CCDC150: variants seen among roughly 807,000 people sequenced by gnomAD.
CCDC150 encodes coiled-coil domain-containing protein 150.
Under a neutral mutation model 156.5 loss-of-function variants are expected in CCDC150, and 151 were observed. That is an observed-to-expected ratio of 0.97 (90% confidence interval 0.85 to 1.10). The LOEUF (loss-of-function observed/expected upper bound fraction) is 1.10. Ranked by LOEUF, CCDC150 falls within the 50% of genes least tolerant of loss-of-function variation. CCDC150 has a pLI of 0.00. For missense variants in CCDC150, 1,312 were observed against 1,268.1 expected (o/e 1.03, Z -0.53); for synonymous variants, 452 against 429.4 (o/e 1.05, Z -0.65).
rs1347238575 is a variant in CCDC150 at position 196,669,849 on chromosome 2, C to T, written c.909C>T (p.Leu303=). The T allele has an allele frequency of 6.2e-7, 1 of 1,610,896 alleles. No homozygotes were observed. Among genetic ancestry groups the T allele is most frequent in the Non-Finnish European group, 8.5e-7 (1 of 1,178,168 alleles). ...TGTTTTTAGCTTCTAGAGATGACCT[C>T]ATTTCCAAGTTGGTTGAAGAAAATA... The part of the protein sequence containing the change: ...LKSDLTSRDD[L]ISKLVEENKN... Residue 303 remains leucine (L), a synonymous_variant, in exon 8 of 28, where the codon CTC becomes CTT. Transcript: ENST00000389175.
intron 13 of CCDC150, among the ~76,000 whole-genome samples, chr2:196,693,409 G>C (rs527650302): frequency 7.2e-5 from 11 of 152,236 alleles, no homozygotes; most frequent in Admixed American, 2.0e-4. Flanking sequence ...GAATTTCATA[G>C]TATTAGTACT....
chr2:196,732,428 G>A lies in CCDC150; in HGVS notation c.3190-18G>A, dbSNP rs1053698410. On this transcript the variant is annotated intron_variant, in intron 27 of 27. Transcript: ENST00000389175. Reference sequence around the variant, plus strand: ...TAGCTCTGAACAGTCAGTGTTAGGTGTGTTTTCTTTCCAACAGGACCAAGA... The same window carrying A: ...TAGCTCTGAACAGTCAGTGTTAGGTATGTTTTCTTTCCAACAGGACCAAGA... 3 of 1,565,580 alleles carry A rather than the reference G, an allele frequency of 1.9e-6. No homozygotes were observed. The highest frequency in any genetic ancestry group is 1.7e-5 in the Admixed American group (1 of 59,948).
At chr2:196,688,017 A>C (rs1695217994) in intron 13 of CCDC150, among the ~76,000 whole-genome samples, 1 of 152,126 alleles carries the variant, frequency 6.6e-6, no homozygotes, top group Admixed American at 6.5e-5. Context: ...CCTGTAGCAT[A>C]ATTTGAAGTT....
intron 1 of CCDC150, among the ~76,000 whole-genome samples, chr2:196,643,454 T>C (rs1215178526): frequency 1.3e-5 from 2 of 152,252 alleles, no homozygotes; most frequent in African/African-American, 4.8e-5. Flanking sequence ...AATGATTTGC[T>C]GTTTTGTTTT....
At chr2:196,678,832 G>T (rs1007223841) in intron 13 of CCDC150, among the ~76,000 whole-genome samples, 1 of 152,142 alleles carries the variant, frequency 6.6e-6, no homozygotes. Flanking sequence ...CTTGAACCTC[G>T]TAGGTGGAGG....
intron 13 of CCDC150, among the ~76,000 whole-genome samples, chr2:196,685,752 C>T (rs1236745023): frequency 3.3e-5 from 5 of 151,992 alleles, no homozygotes; most frequent in Non-Finnish European, 7.4e-5. Flanking sequence ...GCTGGGACTA[C>T]AGGCGCCTAC....
chr2:196,690,154 T>C (rs1258436799), intron 13 of CCDC150, among the ~76,000 whole-genome samples: 1 of 150,030 alleles, frequency 6.7e-6, no homozygotes, highest in African/African-American at 2.5e-5. Context: ...ATATTCTCAC[T>C]CATAGGTGGG....
Position 196,658,794 on chromosome 2 carries a change from G to A in CCDC150, c.579G>A (p.Lys193=). ...ATLKIASQTK[K]NAAIIEEELK... is the part of the protein sequence containing the mutation. ...ATCTTTTCTCCTTCTACTTTTAGAA[G>A]AATGCAGCCATTATTGAAGAGGAAC... is the stretch of plus-strand genomic sequence containing the variant. The change falls in exon 5 of 28, where the codon AAG becomes AAA. Residue 193 remains lysine, a splice_region_variant and synonymous_variant. Transcript: ENST00000389175. 1 of 1,598,158 alleles carries A rather than the reference G, an allele frequency of 6.3e-7. No homozygotes were observed.
rs751282568 is a variant in CCDC150 at position 196,721,536 on chromosome 2, A to T, written c.2274A>T (p.Gln758His). ...DQHNSEIESL[Q>H]KALGVAREDN... ...CTCTCTTTCAGATTGAATCTCTACA[A>T]AAAGCTCTAGGTGTAGCTAGAGAAG... The change falls in exon 21 of 28, where the codon CAA becomes CAT. Residue 758 changes from glutamine to histidine, a missense_variant. By Grantham distance (24) the Gln-to-His change is conservative. Coordinates refer to ENST00000389175, the MANE Select transcript of CCDC150 (RefSeq NM_001080539.2). The T allele has an allele frequency of 1.2e-6, 2 of 1,600,996 alleles. No individual in the cohort carries two copies.
chr2:196,685,721 C>T (rs1695086657), intron 13 of CCDC150, among the ~76,000 whole-genome samples: 1 of 151,986 alleles, frequency 6.6e-6, no homozygotes, highest in South Asian at 2.1e-4. Flanking sequence ...ATGCCATTCT[C>T]CTGCCTCAGC....
At chr2:196,724,296 G>GT (rs1457400717) in intron 21 of CCDC150, among the ~76,000 whole-genome samples, 2 of 152,262 alleles carry the variant, frequency 1.3e-5, no homozygotes, top group East Asian at 3.9e-4. Context: ...GAAGAAGAAA[G>GT]TAAGAGTTGA....
intron 1 of CCDC150, among the ~76,000 whole-genome samples, chr2:196,640,212 A>G (rs569789729): frequency 5.4e-4 from 83 of 152,326 alleles, no homozygotes; most frequent in African/African-American, 1.1e-3. Flanking sequence ...CGCTCTTGCT[A>G]GAACGGAATA....
In CCDC150 at chr2:196,674,342, TCTGC is replaced by T; in HGVS notation, c.1132_1135del (p.Leu378ArgfsTer2). On this transcript the variant is annotated frameshift_variant and splice_region_variant, in exon 10 of 28. Transcript: ENST00000389175. LOFTEE classifies it high-confidence loss of function. ...GAATCATTGCTGACCATCAGGCCAT[TCTGC>T]AGGTATTCGTTTAACATGAAAGCCA... The T allele has an allele frequency of 6.3e-7, 1 of 1,593,774 alleles. No homozygotes were observed. Among genetic ancestry groups the T allele is most frequent in the South Asian group, 1.1e-5 (1 of 87,610 alleles).
At chr2:196,712,788 T>TA (rs1432189629) in intron 17 of CCDC150, 49 bp downstream of exon 17, 4 of 1,352,394 alleles carry the variant, frequency 3.0e-6, no homozygotes, top group Middle Eastern at 1.8e-4. Flanking sequence ...CTCTTGAAGC[T>TA]AAAAACCTTT....
intron 10 of CCDC150, 78 bp downstream of exon 10, chr2:196,674,426 AAT>A: frequency 2.6e-6 from 2 of 764,958 alleles, no homozygotes; most frequent in Non-Finnish European, 4.3e-6. Flanking sequence ...CAACTGGAGA[AAT>A]AAAATATTTT....
intron 13 of CCDC150, among the ~76,000 whole-genome samples, chr2:196,683,908 A>G (rs1034310007): frequency 7.2e-5 from 11 of 151,984 alleles, no homozygotes; most frequent in African/African-American, 2.4e-4. Context: ...GTTCTTGGTT[A>G]GTCCAGCTAA....
intron 22 of CCDC150, chr2:196,726,915 G>C (rs1174508589): frequency 6.6e-6 from 1 of 152,198 alleles, no homozygotes; most frequent in East Asian, 1.9e-4. Flanking sequence ...TGAGCAGGGG[G>C]TGGTATGATA....
chr2:196,718,871 G>T (rs966216084), intron 18 of CCDC150, among the ~76,000 whole-genome samples: 2 of 151,904 alleles, frequency 1.3e-5, no homozygotes, highest in African/African-American at 4.8e-5. Flanking sequence ...ACTCAAAAGA[G>T]AAAGTTCTAA....
Position 196,695,251 on chromosome 2 carries a change from T to C in CCDC150, c.1623+92T>C, listed in dbSNP as rs577656459. On this transcript the variant is annotated intron_variant, in intron 14 of 27. Transcript: ENST00000389175. ...GAGGTCAGGAGATGGGTTTTCTTTG[T>C]GTTTTCATAATTATTAAAAATCTAA... 928 of 615,038 alleles carry C rather than the reference T, an allele frequency of 1.5e-3. 9 individuals are homozygous for C. Among genetic ancestry groups the C allele is most frequent in the South Asian group, 8.2e-3 (327 of 39,816 alleles). 38.1% of individuals were successfully genotyped at this position (615,038 alleles called of 1,614,324 possible). A position where few individuals can be genotyped will look rare whatever the true frequency, so the allele number is the denominator to read the frequency against.
Sources: gnomAD v4.1 joint callset for allele counts (sites outside exome capture counted in the v4.1 genomes callset) on GRCh38, gnomAD v4.1.1 for gene constraint, MANE v1.5 for transcripts, NCBI Gene and HGNC (gene_info 2026-07-23, HGNC 2026-07-21) for gene names.